Variants in RYR1 observed in about 807,000 individuals in gnomAD.
RYR1 encodes central core disease of muscle.
Under a neutral mutation model 583.5 loss-of-function variants are expected in RYR1, and 342 were observed. The ratio of observed to expected loss-of-function variants is 0.59; its 90% CI spans 0.54 to 0.64. RYR1 has a LOEUF of 0.64. Ranked by LOEUF, RYR1 falls within the 30% of genes least tolerant of loss-of-function variation. The probability of loss-of-function intolerance (pLI) is 0.00; values close to 1 mark genes in which losing one functional copy is unlikely to be tolerated. For synonymous variants in RYR1, 2,791 were observed against 2,822.5 expected (o/e 0.99, Z 0.35); for missense variants, 6,032 against 6,917.2 (o/e 0.87, Z 4.54).
chr19:38,515,864 C>G (rs1970944092), intron 64 of RYR1, among the ~76,000 whole-genome samples: 1 of 152,096 alleles, frequency 6.6e-6, no homozygotes, highest in African/African-American at 2.4e-5. Flanking sequence ...TCACTTGAAC[C>G]CAGGAATGTG....
chr19:38,466,034 C>T, intron 23 of RYR1, 57 bp from the exon 24 acceptor site: 2 of 1,519,076 alleles, frequency 1.3e-6, no homozygotes, highest in South Asian at 1.2e-5. Flanking sequence ...CCATATAGTG[C>T]AGAGCCCGGA....
chr19:38,525,272 G>T lies in RYR1; in HGVS notation c.10456-60G>T, dbSNP rs1176863840. On this transcript the variant is annotated intron_variant, in intron 70 of 105. Transcript: ENST00000359596. ...GCCTGGGGTGTGGATGATGGCCGCG[G>T]GTTGGGGCTGAGGCATGGGATTGGG... The T allele has an allele frequency of 3.1e-6, 5 of 1,608,762 alleles. No homozygotes were observed. The African/African-American group carries it at 6.7e-5, about 22-fold the overall frequency.
At position 38,469,505 on chromosome 19, in the gene RYR1, C is replaced by T. The variant is rs2145464364; in HGVS notation, c.3757C>T (p.His1253Tyr). 1.9e-6 allele frequency: 3 copies of T among 1,614,038 alleles called. No individual in the cohort carries two copies. The highest frequency in any genetic ancestry group is 2.5e-6 in the Non-Finnish European group (3 of 1,179,978). ...TGAGCCAGTGCCCCTTGAACACCCTCACTATGAGGTAAGGACTGAGCCCCT... is the reference window on the plus strand; with the variant it reads ...TGAGCCAGTGCCCCTTGAACACCCTTACTATGAGGTAAGGACTGAGCCCCT... Reference protein sequence around the residue: ...QFEPVPLEHPHYEVSRVDGTV... With the variant: ...QFEPVPLEHPYYEVSRVDGTV... The change falls in exon 27 of 106, where the codon CAC (histidine) becomes TAC (tyrosine). Residue 1253 changes from histidine (H) to tyrosine (Y), a missense_variant. By Grantham distance (83) the His-to-Tyr change is moderately conservative. Around this residue, in one of 11 missense-constraint regions of RYR1, gnomAD observed 2,627 missense variants for 2,961.3 expected, o/e 0.89. Transcript: ENST00000359596.
chr19:38,511,155 G>T (rs373265920), intron 60 of RYR1, among the ~76,000 whole-genome samples: 1 of 152,092 alleles, frequency 6.6e-6, no homozygotes, highest in East Asian at 1.9e-4. Context: ...AATTAGCCGG[G>T]CTTGGTGGTG....
intron 12 of RYR1, 119 bp downstream of exon 12, chr19:38,452,004 A>G (rs1331188598): frequency 1.4e-6 from 2 of 1,402,810 alleles, no homozygotes; most frequent in Non-Finnish European, 2.0e-6. Flanking sequence ...TAACATATAC[A>G]TGGGCCAAGC....
At position 38,585,119 on chromosome 19, in the gene RYR1, G is replaced by A. The variant is rs761197295; in HGVS notation, c.14803+20G>A. 6.6e-5 allele frequency: 106 copies of A among 1,612,206 alleles called. No individual in the cohort carries two copies. The highest frequency in any genetic ancestry group is 1.7e-4 in the Middle Eastern group (1 of 6,044). On this transcript the variant is annotated intron_variant, in intron 102 of 105. Coordinates refer to ENST00000359596, the MANE Select transcript of RYR1 (RefSeq NM_000540.3). Reference sequence around the variant, plus strand: ...TCCAGGGTCAGTGCTGGGAGTGGGCGCTCAGGGCCCGGAGGCAGGCTAGCT... The same window carrying A: ...TCCAGGGTCAGTGCTGGGAGTGGGCACTCAGGGCCCGGAGGCAGGCTAGCT...
In RYR1 at chr19:38,586,161, C is replaced by T. The variant is rs398123471; in HGVS notation, c.14939C>T (p.Thr4980Met). The T allele has an allele frequency of 6.2e-6, 10 of 1,614,016 alleles. No homozygotes were observed. The highest frequency in any genetic ancestry group is 7.6e-6 in the Non-Finnish European group (9 of 1,180,026). ...ACACCGCATGGCTTCGAGACTCACA[C>T]GCTGGAGGAGCACAACCTGGCCAAT... ...DTTPHGFETH[T>M]LEEHNLANYM... The change falls in exon 104 of 106, where the codon ACG (threonine) becomes ATG (methionine). Residue 4980 changes from threonine to methionine, a missense_variant. By Grantham distance (81) the Thr-to-Met change is moderately conservative. Coordinates refer to ENST00000359596, the MANE Select transcript of RYR1 (RefSeq NM_000540.3).
rs1971608779 is a variant in RYR1, at chr19:38,528,958, G to A, written c.11042G>A (p.Gly3681Glu). 1.2e-6 allele frequency: 2 copies of A among 1,608,422 alleles called. No homozygotes were observed. Among genetic ancestry groups the A allele is most frequent in the Non-Finnish European group, 1.7e-6 (2 of 1,177,364 alleles). ...DRMIDDLSKAGEQEEEEEEVE... is the reference protein window; with the variant it reads ...DRMIDDLSKAEEQEEEEEEVE... ...TCTCCCCTCTCCCACCAGAAAGCTGGGGAGCAGGAGGAGGAGGAGGAAGAG... is the reference window on the plus strand; with the variant it reads ...TCTCCCCTCTCCCACCAGAAAGCTGAGGAGCAGGAGGAGGAGGAGGAAGAG... Residue 3681 changes from glycine to glutamate, a missense_variant, in exon 76 of 106, where the codon GGG (glycine) becomes GAG (glutamate). By Grantham distance (98) the Gly-to-Glu change is moderately conservative. This residue lies in a region of RYR1 where 1,493 missense variants were observed against 1,715.5 expected (regional missense o/e 0.87). Coordinates refer to ENST00000359596, the MANE Select transcript of RYR1 (RefSeq NM_000540.3).
At chr19:38,482,293 A>G (rs1051911009) in intron 31 of RYR1, among the ~76,000 whole-genome samples, 1 of 151,578 alleles carries the variant, frequency 6.6e-6, no homozygotes, top group Admixed American at 6.6e-5. Flanking sequence ...TGTCCCCCAT[A>G]TTTCCTGTAA....
At position 38,477,619 on chromosome 19, in the gene RYR1, C is replaced by T. The variant is rs1031761911; in HGVS notation, c.4294-91C>T. The T allele has an allele frequency of 3.3e-6, 5 of 1,532,728 alleles. No individual in the cohort carries two copies. In the African/African-American group the frequency reaches 6.8e-5, roughly 21 times the overall value. 94.9% of individuals were successfully genotyped at this position (1,532,728 alleles called of 1,614,324 possible). A position where few individuals can be genotyped will look rare whatever the true frequency, so the allele number is the denominator to read the frequency against. On this transcript the variant is annotated intron_variant, in intron 29 of 105. Transcript: ENST00000359596. Reference sequence around the variant, plus strand: ...ACTTCCTGTTAAACTCCCAGAGGACCCAACAGTCCAGGGAAACCAATTTCG... The same window carrying T: ...ACTTCCTGTTAAACTCCCAGAGGACTCAACAGTCCAGGGAAACCAATTTCG...
chr19:38,523,873 G>A, intron 69 of RYR1, 42 bp from the exon 70 acceptor site: 1 of 1,613,876 alleles, frequency 6.2e-7, no homozygotes, highest in Non-Finnish European at 8.5e-7. Flanking sequence ...CTGCGGGGCT[G>A]GGGTAACCCT....
intron 101 of RYR1, among the ~76,000 whole-genome samples, chr19:38,581,533 A>C (rs1286026769): frequency 6.6e-6 from 1 of 150,996 alleles, no homozygotes; most frequent in African/African-American, 2.4e-5. Flanking sequence ...TACTTTGAAC[A>C]GTGCCAGGCA....
Position 38,475,244 on chromosome 19 carries a change from G to T in RYR1, c.4161-74G>T, listed in dbSNP as rs112210268. ...AGCAGGGTGTATCCAAGCTGGATGTGGGGGCATGAATATTGCGGTGGGAGG... is the reference window on the plus strand; with the variant it reads ...AGCAGGGTGTATCCAAGCTGGATGTTGGGGCATGAATATTGCGGTGGGAGG... On this transcript the variant is annotated intron_variant, in intron 28 of 105. Transcript: ENST00000359596. The T allele has an allele frequency of 7.2e-3, 11,109 of 1,541,956 alleles. 630 individuals carry two copies. The African/African-American group carries it at 0.13, about 18-fold the overall frequency.
In RYR1 at chr19:38,504,260, GC is replaced by G. The variant is rs1970337383; in HGVS notation, c.7969del (p.Leu2657TyrfsTer89). The G allele has an allele frequency of 1.1e-5, 18 of 1,614,102 alleles. No individual in the cohort carries two copies. Among genetic ancestry groups the G allele is most frequent in the Non-Finnish European group, 1.4e-5 (16 of 1,180,034 alleles). Reference protein sequence around the residue: ...NHYERCWKYYCLPTGWANFGV... With the variant: ...NHYERCWKYYXLPTGWANFGV... ...TATGAGCGCTGTTGGAAGTACTACT[GC>G]CTACCCACGGGCTGGGCCAACTTCG... On this transcript the variant is annotated frameshift_variant, in exon 50 of 106. Transcript: ENST00000359596. LOFTEE classifies it high-confidence loss of function.
In RYR1 at chr19:38,565,403, C is replaced by A. The variant is rs1236057233; in HGVS notation, c.13069C>A (p.Leu4357Met). 1.6e-5 allele frequency: 23 copies of A among 1,454,876 alleles called. No homozygotes were observed. The highest frequency in any genetic ancestry group is 2.5e-5 in the Admixed American group (1 of 40,786). The allele number at this position is 1,454,876 out of a possible 1,614,324, so 90.1% of individuals were successfully genotyped here. ...GGGGGCGGCGGCGGGCGCGCTGGGC[C>A]TGCTCTGGGGCTCGCTGTTCGGCGG... ...GAGAAAGALG[L>M]LWGSLFGGGL... The change falls in exon 91 of 106, where the codon CTG becomes ATG. Residue 4357 changes from leucine (L) to methionine (M), a missense_variant. Physicochemically the swap from Leu to Met is conservative, Grantham distance 15 (BLOSUM62 2). Coordinates refer to ENST00000359596, the MANE Select transcript of RYR1 (RefSeq NM_000540.3). This position sits in a 1 kb window ranked among gnomAD's most constrained non-coding sequence, Gnocchi z 4.7.
intron 95 of RYR1, 58 bp downstream of exon 95, chr19:38,572,328 C>A: frequency 2.6e-6 from 2 of 779,758 alleles, no homozygotes; most frequent in Non-Finnish European, 1.7e-6. Flanking sequence ...GGGGTGGGGG[C>A]AGTGCTGGAG....
chr19:38,482,130 A>G (rs1345378428), intron 31 of RYR1, among the ~76,000 whole-genome samples: 1 of 152,080 alleles, frequency 6.6e-6, no homozygotes, highest in Non-Finnish European at 1.5e-5. Context: ...CCAGAGTCTC[A>G]GACCCCTTCC....
At chr19:38,463,670 T>C in intron 21 of RYR1, 77 bp from the exon 22 acceptor site, 6 of 1,502,544 alleles carry the variant, frequency 4.0e-6, no homozygotes, top group Non-Finnish European at 5.6e-6. Context: ...GGGTTGGAGG[T>C]CAGGGGTCAT....
At chr19:38,501,555 C>T (rs1306156680) in intron 47 of RYR1, among the ~76,000 whole-genome samples, 1 of 152,166 alleles carries the variant, frequency 6.6e-6, no homozygotes, top group Non-Finnish European at 1.5e-5. Context: ...GAACTCTGTA[C>T]AGGAACAGCA....
Sources: gnomAD v4.1 joint callset for allele counts (sites outside exome capture counted in the v4.1 genomes callset) on GRCh38, gnomAD v4.1.1 for gene constraint, gnomAD v4.1.1 regional missense constraint, Gnocchi (gnomAD v3.1) non-coding constraint, MANE v1.5 for transcripts, NCBI Gene and HGNC (gene_info 2026-07-23, HGNC 2026-07-21) for gene names.